Variants in PLCB1 observed in about 807,000 individuals in gnomAD.
The protein encoded by PLCB1 is phospholipase C beta 1, also known as 1-phosphatidylinositol 4,5-bisphosphate phosphodiesterase beta-1.
Under a neutral mutation model 161.8 loss-of-function variants are expected in PLCB1, and 46 were observed. The ratio of observed to expected loss-of-function variants is 0.28; its 90% confidence interval spans 0.22 to 0.36. PLCB1 has a LOEUF of 0.36. Among genes scored for constraint, PLCB1 ranks in the 10% least tolerant of loss-of-function variants. The pLI is 1.00. For missense variants in PLCB1, 1,016 were observed against 1,472.5 expected (o/e 0.69, Z 5.07); for synonymous variants, 517 against 503.7 (o/e 1.03, Z -0.35).
intron 2 of PLCB1, among the ~76,000 whole-genome samples, chr20:8,176,103 G>T (rs2051780572): frequency 6.6e-6 from 1 of 152,168 alleles, no homozygotes; most frequent in Non-Finnish European, 1.5e-5. Flanking sequence ...AACTAAACAT[G>T]TAGTTACTAT....
intron 3 of PLCB1, among the ~76,000 whole-genome samples, chr20:8,586,691 C>A (rs761401542): frequency 6.6e-6 from 1 of 152,250 alleles, no homozygotes; most frequent in South Asian, 2.1e-4. Flanking sequence ...ATTAGAGAAT[C>A]CCCTTTTCAC....
chr20:8,620,765 A>G (rs1012933593), intron 3 of PLCB1, among the ~76,000 whole-genome samples: 32 of 149,892 alleles, frequency 2.1e-4, no homozygotes, highest in Admixed American at 4.7e-4. Flanking sequence ...AAAAAAAAAA[A>G]AAAAGAAAAG....
intron 26 of PLCB1, among the ~76,000 whole-genome samples, chr20:8,772,505 A>T (rs1278592043): frequency 1.3e-5 from 2 of 152,134 alleles, no homozygotes; most frequent in Non-Finnish European, 2.9e-5. Context: ...GGTGATGGGT[A>T]TACCGACTTA....
At position 8,684,917 on chromosome 20, in the gene PLCB1, C is replaced by T. The variant is rs2123399297; in HGVS notation, c.863-15C>T. 1 of 1,601,546 alleles carries T rather than the reference C, an allele frequency of 6.2e-7. No homozygotes were observed. The highest frequency in any genetic ancestry group is 8.5e-7 in the Non-Finnish European group (1 of 1,170,994). ...AAGAATGCATTCACATCCTTTCTAACTTCATTTCCTCCAGGACAAATATCA... is the reference window on the plus strand; with the variant it reads ...AAGAATGCATTCACATCCTTTCTAATTTCATTTCCTCCAGGACAAATATCA... On this transcript the variant is annotated splice_polypyrimidine_tract_variant and intron_variant, in intron 9 of 31. Coordinates refer to ENST00000338037, the MANE Select transcript of PLCB1 (RefSeq NM_015192.4).
At chr20:8,282,045 A>G (rs898480025) in intron 2 of PLCB1, among the ~76,000 whole-genome samples, 1 of 152,174 alleles carries the variant, frequency 6.6e-6, no homozygotes, top group African/African-American at 2.4e-5. Flanking sequence ...ATACACACAA[A>G]CATGTTAAAA....
At chr20:8,171,626 G>A (rs1469100962) in intron 2 of PLCB1, among the ~76,000 whole-genome samples, 9 of 152,136 alleles carry the variant, frequency 5.9e-5, no homozygotes, top group Non-Finnish European at 1.3e-4. Context: ...TTAAGGTTGT[G>A]TTAGGGATTA....
intron 11 of PLCB1, among the ~76,000 whole-genome samples, chr20:8,704,239 C>T (rs1978535432): frequency 6.6e-6 from 1 of 151,994 alleles, no homozygotes; most frequent in African/African-American, 2.4e-5. Flanking sequence ...CCTGTAGTCC[C>T]AGCTGCCTGG....
At chr20:8,598,506 A>T (rs1987416508) in intron 3 of PLCB1, among the ~76,000 whole-genome samples, 8 of 139,738 alleles carry the variant, frequency 5.7e-5, no homozygotes, top group Non-Finnish European at 7.9e-5. Context: ...TGCTGAGGAG[A>T]GCTTTACTTC....
chr20:8,424,934 G>C (rs1274018023), intron 3 of PLCB1, among the ~76,000 whole-genome samples: 2 of 152,118 alleles, frequency 1.3e-5, no homozygotes, highest in Non-Finnish European at 2.9e-5. Context: ...GAATCTTCTT[G>C]GGTTCAAATA....
intron 2 of PLCB1, among the ~76,000 whole-genome samples, chr20:8,231,104 A>G (rs1321334141): frequency 6.6e-6 from 1 of 152,032 alleles, no homozygotes; most frequent in African/African-American, 2.4e-5. Flanking sequence ...TTTTCTAGAA[A>G]CCATCCCATG....
chr20:8,824,121 G>GT (rs1175191924), intron 31 of PLCB1, among the ~76,000 whole-genome samples: 3 of 151,926 alleles, frequency 2.0e-5, no homozygotes, highest in Admixed American at 6.5e-5. Context: ...ACAAAATTGC[G>GT]TTTTTTGAAA....
chr20:8,454,979 G>GATGA (rs563600438), intron 3 of PLCB1, among the ~76,000 whole-genome samples: 7,664 of 150,236 alleles, frequency 0.051, 262 homozygotes, highest in Non-Finnish European at 0.073. Flanking sequence ...TATAAGGATG[G>GATGA]ATGAATGAAT....
intron 9 of PLCB1, among the ~76,000 whole-genome samples, chr20:8,681,086 G>GTGTGTATATATATATA (rs1394518085): frequency 3.4e-4 from 25 of 73,824 alleles, no homozygotes; most frequent in East Asian, 4.2e-4. Flanking sequence ...ATGTGTGTGT[G>GTGTGTATATATATATA]TATATATATA....
chr20:8,548,223 TTCCTTCCC>T (rs201403717), intron 3 of PLCB1, among the ~76,000 whole-genome samples: 12,691 of 146,602 alleles, frequency 0.087, 619 homozygotes, highest in South Asian at 0.11. Context: ...CCTTCCTTCC[TTCCTTCCC>T]TCCCTCCCCT....
chr20:8,871,354 T>C (rs187121659), intron 31 of PLCB1, among the ~76,000 whole-genome samples: 358 of 152,290 alleles, frequency 2.4e-3, no homozygotes, highest in African/African-American at 8.4e-3. Context: ...GTATGTCCAA[T>C]GGAGGAAGTG....
chr20:8,874,256 G>A (rs3884400), intron 31 of PLCB1, among the ~76,000 whole-genome samples: 135 of 52,706 alleles, frequency 2.6e-3, no homozygotes, highest in African/African-American at 7.6e-3. Context: ...ACACACACAC[G>A]CACAACAGAT....
chr20:8,786,914 A>C (rs1375857892), intron 27 of PLCB1, among the ~76,000 whole-genome samples: 2 of 152,110 alleles, frequency 1.3e-5, no homozygotes. Flanking sequence ...CGTGTTGGCC[A>C]GGCTAGTCTC....
chr20:8,491,284 T>A (rs1202967508), intron 3 of PLCB1, among the ~76,000 whole-genome samples: 1 of 152,156 alleles, frequency 6.6e-6, no homozygotes, highest in African/African-American at 2.4e-5. Flanking sequence ...CAGTATTGCT[T>A]TTTAGTTTTC....
chr20:8,811,254 A>G (rs1209162918), intron 31 of PLCB1, among the ~76,000 whole-genome samples: 1 of 152,206 alleles, frequency 6.6e-6, no homozygotes, highest in Non-Finnish European at 1.5e-5. Context: ...ATTAAACAGG[A>G]GACCAGGAAC....
Sources: allele counts gnomAD v4.1 joint callset (sites outside exome capture counted in the v4.1 genomes callset), GRCh38; gene constraint gnomAD v4.1.1; transcripts MANE v1.5; gene names NCBI Gene and HGNC (gene_info 2026-07-23, HGNC 2026-07-21).